TOX: variants seen among roughly 807,000 people sequenced by gnomAD.
TOX encodes thymocyte selection associated high mobility group box, also known as thymocyte selection-associated high mobility group box protein TOX.
TOX carries 11 observed loss-of-function variants against 53.7 expected under a neutral mutation model. That is an observed-to-expected ratio of 0.20 (90% CI 0.13 to 0.34). The LOEUF is 0.34. Among genes scored for constraint, TOX ranks in the 10% least tolerant of loss-of-function variants. The pLI, the probability that TOX is intolerant of heterozygous loss-of-function variation, is 1.00. For synonymous variants in TOX, 225 were observed against 245.3 expected, an observed-to-expected ratio of 0.92 and a Z score of 0.77; for missense variants, 570 against 664.6, an observed-to-expected ratio of 0.86 and a Z score of 1.56.
intron 1 of TOX, among the ~76,000 whole-genome samples, chr8:58,984,700 G>A (rs1429533041): frequency 6.7e-6 from 1 of 149,712 alleles, no homozygotes; most frequent in African/African-American, 2.5e-5. Flanking sequence ...GGAGAATGGC[G>A]TGAACCCGGG....
intron 1 of TOX, among the ~76,000 whole-genome samples, chr8:58,996,041 C>T (rs1466680767): frequency 2.0e-5 from 3 of 152,172 alleles, no homozygotes; most frequent in Non-Finnish European, 4.4e-5. Flanking sequence ...ATCTATTCTT[C>T]GTCCAGTTTG....
intron 3 of TOX, among the ~76,000 whole-genome samples, chr8:58,915,465 A>G (rs1175692732): frequency 8.9e-6 from 1 of 111,750 alleles, no homozygotes; most frequent in Non-Finnish European, 1.8e-5. Flanking sequence ...ACGGCAGGGT[A>G]TTCCAACAGA....
intron 2 of TOX, among the ~76,000 whole-genome samples, chr8:58,954,539 G>A (rs550433752): frequency 6.6e-6 from 1 of 152,290 alleles, no homozygotes; most frequent in African/African-American, 2.4e-5. Context: ...GGTGATGTCA[G>A]TGTGCCATGT....
chr8:58,988,389 C>T (rs181215906), intron 1 of TOX, among the ~76,000 whole-genome samples: 3 of 152,274 alleles, frequency 2.0e-5, no homozygotes, highest in Non-Finnish European at 4.4e-5. Context: ...TGTCTATAGC[C>T]GTTCCCTGAT....
At chr8:58,820,278 A>G (rs1401539274) in intron 6 of TOX, among the ~76,000 whole-genome samples, 1 of 49,068 alleles carries the variant, frequency 2.0e-5, no homozygotes, top group East Asian at 7.2e-4. Flanking sequence ...TCTGTACGTT[A>G]AAAAAAAAAA....
rs188213843 is a variant in TOX, at chr8:59,076,764, A to G, written c.102+42122T>C. Among the ~76,000 whole-genome samples, 5 of 152,326 alleles carry G rather than the reference A, an allele frequency of 3.3e-5. No homozygotes were observed. In the East Asian group the frequency reaches 9.6e-4, roughly 29 times the overall value. Reference sequence around the variant, plus strand: ...AAACATGCTCTCTTCATCAGGGATCATAGGGCAAACCTTTTTAGTACCCAA... The same window carrying G: ...AAACATGCTCTCTTCATCAGGGATCGTAGGGCAAACCTTTTTAGTACCCAA... On this transcript the variant is annotated intron_variant, in intron 1 of 8. Coordinates refer to ENST00000361421, the MANE Select transcript of TOX (RefSeq NM_014729.3).
chr8:59,009,903 T>C (rs1287073063), intron 1 of TOX, among the ~76,000 whole-genome samples: 2 of 152,164 alleles, frequency 1.3e-5, no homozygotes, highest in East Asian at 3.8e-4. Flanking sequence ...GATATGTAAA[T>C]AAAAATATAT....
At chr8:58,945,366 G>C (rs760084216) in intron 2 of TOX, among the ~76,000 whole-genome samples, 2 of 152,230 alleles carry the variant, frequency 1.3e-5, no homozygotes, top group Non-Finnish European at 2.9e-5. Flanking sequence ...TCAAGAGACT[G>C]AGATTGGGAA....
intron 3 of TOX, among the ~76,000 whole-genome samples, chr8:58,882,960 T>A (rs1328687636): frequency 6.6e-6 from 1 of 152,240 alleles, no homozygotes; most frequent in Non-Finnish European, 1.5e-5. Flanking sequence ...AAGAACAATG[T>A]CTCGCTTGCA....
chr8:58,895,884 G>A (rs1428559213), intron 3 of TOX, among the ~76,000 whole-genome samples: 1 of 152,180 alleles, frequency 6.6e-6, no homozygotes, highest in Non-Finnish European at 1.5e-5. Context: ...GGGAGGGGAT[G>A]CTGTGGATTA....
At chr8:58,821,377 T>C (rs577098326) in intron 6 of TOX, among the ~76,000 whole-genome samples, 1 of 152,322 alleles carries the variant, frequency 6.6e-6, no homozygotes, top group South Asian at 2.1e-4. Context: ...GTGCTTCCTA[T>C]GTTCAGGATG....
intron 1 of TOX, among the ~76,000 whole-genome samples, chr8:59,052,074 A>G (rs1803800285): frequency 6.6e-6 from 1 of 152,186 alleles, no homozygotes; most frequent in Non-Finnish European, 1.5e-5. Flanking sequence ...AAAGCTTACA[A>G]AGAAAATTCT....
At chr8:58,975,171 AATGTAT>A (rs1303465578) in intron 1 of TOX, among the ~76,000 whole-genome samples, 1 of 150,972 alleles carries the variant, frequency 6.6e-6, no homozygotes, top group Admixed American at 6.6e-5. Flanking sequence ...CTTACAGAGA[AATGTAT>A]ATGTATATAT....
rs143638488 is a variant in TOX, at chr8:58,891,343, A to G, written c.412-39538T>C. Among the ~76,000 whole-genome samples the G allele has an allele frequency of 1.6e-3, 243 of 152,296 alleles. 2 individuals are homozygous for G. The highest frequency in any genetic ancestry group is 5.6e-3 in the African/African-American group (233 of 41,568). ...GGAAAAAGAAAAAAGGGAATAAAAGAAAATAAAGAGCAGGGGAGGAGTTTT... is the reference window on the plus strand; with the variant it reads ...GGAAAAAGAAAAAAGGGAATAAAAGGAAATAAAGAGCAGGGGAGGAGTTTT... On this transcript the variant is annotated intron_variant, in intron 3 of 8. Transcript: ENST00000361421.
chr8:58,842,110 G>C (rs923324627), intron 4 of TOX, among the ~76,000 whole-genome samples: 1 of 152,178 alleles, frequency 6.6e-6, no homozygotes, highest in Non-Finnish European at 1.5e-5. Flanking sequence ...TAGGTGTCAA[G>C]TTGATTGGAT....
intron 1 of TOX, among the ~76,000 whole-genome samples, chr8:59,025,686 G>A (rs1814222775): frequency 6.6e-6 from 1 of 152,034 alleles, no homozygotes; most frequent in Non-Finnish European, 1.5e-5. Flanking sequence ...TCTTCTTCAA[G>A]GCCCAACTCA....
At chr8:58,974,837 TA>T (rs1203172206) in intron 1 of TOX, among the ~76,000 whole-genome samples, 1 of 152,216 alleles carries the variant, frequency 6.6e-6, no homozygotes, top group African/African-American at 2.4e-5. Context: ...GCATCTTCAT[TA>T]AAATCATTAG....
rs561280190 is a variant in TOX at position 58,962,516 on chromosome 8, C to T, written c.103-2508G>A. 6.6e-4 allele frequency among the ~76,000 whole-genome samples: 100 copies of T among 152,252 alleles called. 1 individual carries two copies. The highest frequency in any genetic ancestry group is 2.4e-3 in the African/African-American group (99 of 41,528). On this transcript the variant is annotated intron_variant, in intron 1 of 8. Transcript: ENST00000361421. ...TAGGGCTGGGATGCAAACCCAGGACCCCTGGCTTTTTAGCCACCCATGCAC... is the reference window on the plus strand; with the variant it reads ...TAGGGCTGGGATGCAAACCCAGGACTCCTGGCTTTTTAGCCACCCATGCAC...
intron 2 of TOX, among the ~76,000 whole-genome samples, chr8:58,941,228 T>A (rs552974339): frequency 1.3e-5 from 2 of 152,208 alleles, no homozygotes; most frequent in Admixed American, 1.3e-4. Context: ...CTTGTACAAG[T>A]ATGCATATAA....
Sources: gnomAD v4.1 joint callset for allele counts (sites outside exome capture counted in the v4.1 genomes callset) on GRCh38, gnomAD v4.1.1 for gene constraint, MANE v1.5 for transcripts, NCBI Gene and HGNC (gene_info 2026-07-23, HGNC 2026-07-21) for gene names.